NPAS2: variants seen among roughly 807,000 people sequenced by gnomAD.
NPAS2 encodes the protein neuronal PAS domain-containing protein 2.
In NPAS2, 23 loss-of-function variants were observed where a neutral mutation model predicts 107.5. That is an observed-to-expected ratio of 0.21 (90% CI 0.15 to 0.30). The LOEUF is 0.30. Among genes scored for constraint, NPAS2 ranks in the 10% least tolerant of loss-of-function variants. The pLI is 1.00. For missense variants in NPAS2, 756 were observed against 1,043.3 expected (o/e 0.72, Z 3.79); for synonymous variants, 403 against 417.5 (o/e 0.97, Z 0.42).
At chr2:100,907,489 AACACACACACACACACAC>A (rs55951417) in intron 2 of NPAS2, among the ~76,000 whole-genome samples, 4 of 144,678 alleles carry the variant, frequency 2.8e-5, no homozygotes, top group East Asian at 2.0e-4. Flanking sequence ...AACACTTGGG[AACACACACACACACACAC>A]ACACACACAC....
At chr2:100,840,133 G>A (rs549469390) in intron 1 of NPAS2, among the ~76,000 whole-genome samples, 5 of 152,174 alleles carry the variant, frequency 3.3e-5, no homozygotes, top group Admixed American at 6.5e-5. Context: ...TCCTTCCGTC[G>A]TTGCTTGCCA....
chr2:100,963,275 C>T (rs1197418052), intron 7 of NPAS2, among the ~76,000 whole-genome samples: 3 of 152,236 alleles, frequency 2.0e-5, no homozygotes, highest in African/African-American at 7.2e-5. Flanking sequence ...CCGAGACACC[C>T]CTACTTTCCC....
chr2:100,922,899 A>G (rs546075943), intron 2 of NPAS2, among the ~76,000 whole-genome samples: 246 of 152,298 alleles, frequency 1.6e-3, no homozygotes, highest in Middle Eastern at 6.8e-3. Flanking sequence ...CCCATTGAAG[A>G]CGAGAACAGA....
intron 1 of NPAS2, among the ~76,000 whole-genome samples, chr2:100,830,698 C>G (rs1050335973): frequency 6.6e-6 from 1 of 152,138 alleles, no homozygotes; most frequent in Non-Finnish European, 1.5e-5. Flanking sequence ...AAATAGTCCC[C>G]GTCAGTAGAA....
intron 3 of NPAS2, among the ~76,000 whole-genome samples, chr2:100,926,347 C>T (rs1683558982): frequency 6.6e-6 from 1 of 152,166 alleles, no homozygotes; most frequent in Non-Finnish European, 1.5e-5. Context: ...TGAGGAACTG[C>T]CAAACTGTTT....
intron 1 of NPAS2, among the ~76,000 whole-genome samples, chr2:100,886,778 A>G (rs1386490524): frequency 6.6e-6 from 1 of 152,212 alleles, no homozygotes; most frequent in Non-Finnish European, 1.5e-5. Context: ...ATTCATGAAC[A>G]AAGGCCAAGG....
rs1366760335 is a variant in NPAS2 at position 100,820,795 on chromosome 2, T to A, written c.-23+381T>A. On this transcript the variant is annotated intron_variant, in intron 1 of 20. Transcript: ENST00000335681. This position sits in a 1 kb window ranked among gnomAD's most constrained non-coding sequence, Gnocchi z 5.6. The stretch of plus-strand genomic sequence containing the variant: ...GCTTTGGGGATTGCCCGTGGTTGTC[T>A]TCGAGACCCATCGCGCTACCCTCCG... 3.9e-5 allele frequency among the ~76,000 whole-genome samples: 6 copies of A among 152,092 alleles called. No homozygotes were observed. The highest frequency in any genetic ancestry group is 7.4e-5 in the Non-Finnish European group (5 of 68,014).
At chr2:100,855,479 C>T (rs72627419) in intron 1 of NPAS2, among the ~76,000 whole-genome samples, 10,265 of 152,248 alleles carry the variant, frequency 0.067, 720 homozygotes, top group East Asian at 0.33. Context: ...TGCATGTCTC[C>T]ATGAAAAGCA....
At chr2:100,822,699 C>T (rs1361843339) in intron 1 of NPAS2, 1 of 152,134 alleles carries the variant, frequency 6.6e-6, no homozygotes. Context: ...ATTTTTAAAA[C>T]AAGCATGTGT....
intron 19 of NPAS2, among the ~76,000 whole-genome samples, chr2:100,992,030 T>A (rs909739879): frequency 6.6e-6 from 1 of 152,224 alleles, no homozygotes; most frequent in Non-Finnish European, 1.5e-5. Flanking sequence ...GGGAGCCATC[T>A]GTAAAGTTCC....
intron 19 of NPAS2, among the ~76,000 whole-genome samples, chr2:100,991,870 T>C (rs1216378525): frequency 6.6e-6 from 1 of 152,214 alleles, no homozygotes; most frequent in Non-Finnish European, 1.5e-5. Context: ...CACGGGCCCC[T>C]TGGGCTCCCT....
Position 100,945,324 on chromosome 2 carries a change from G to A in NPAS2, c.364-2911G>A, listed in dbSNP as rs78622638. On this transcript the variant is annotated intron_variant, in intron 5 of 20. Transcript: ENST00000335681. ...GGAGGGGCTCTGCCTGCTTCCCAAC[G>A]TGTCTTCCCCATGCCCAACAGCGGC... Among the ~76,000 whole-genome samples, 275 of 152,174 alleles carry A rather than the reference G, an allele frequency of 1.8e-3. 5 individuals are homozygous for A. In the East Asian group the frequency reaches 0.034, roughly 19 times the overall value.
intron 5 of NPAS2, among the ~76,000 whole-genome samples, chr2:100,940,354 G>T (rs1339070110): frequency 6.6e-6 from 1 of 152,186 alleles, no homozygotes; most frequent in Non-Finnish European, 1.5e-5. Flanking sequence ...TTCTGATTTT[G>T]GTTTGGTTTA....
chr2:100,857,751 G>C (rs1051056814), intron 1 of NPAS2, among the ~76,000 whole-genome samples: 1 of 152,246 alleles, frequency 6.6e-6, no homozygotes, highest in East Asian at 1.9e-4. Flanking sequence ...TACAGGGCAG[G>C]CCACAGTTTA....
chr2:100,966,088 T>TA (rs1014740959), intron 10 of NPAS2, among the ~76,000 whole-genome samples: 2 of 152,126 alleles, frequency 1.3e-5, no homozygotes, highest in African/African-American at 4.8e-5. Flanking sequence ...ATTTCAGAGA[T>TA]AAAATACCGA....
chr2:100,859,046 C>G (rs888362697), intron 1 of NPAS2, among the ~76,000 whole-genome samples: 3 of 152,220 alleles, frequency 2.0e-5, no homozygotes, highest in Admixed American at 2.0e-4. Context: ...AGGTGGATCA[C>G]TTGAGGTCAG....
intron 1 of NPAS2, among the ~76,000 whole-genome samples, chr2:100,887,231 C>T (rs1419916150): frequency 6.6e-6 from 1 of 152,198 alleles, no homozygotes; most frequent in Non-Finnish European, 1.5e-5. Flanking sequence ...GCACCTGAGA[C>T]TCAGGGGAAT....
At chr2:100,979,570 A>G (rs7558747) in intron 15 of NPAS2, among the ~76,000 whole-genome samples, 21,043 of 134,638 alleles carry the variant, frequency 0.16, 2,079 homozygotes, top group East Asian at 0.42. Flanking sequence ...CTGGAGTGCA[A>G]TGGCACCATC....
intron 1 of NPAS2, among the ~76,000 whole-genome samples, chr2:100,866,763 C>T (rs1269833072): frequency 2.0e-5 from 3 of 152,208 alleles, no homozygotes; most frequent in Non-Finnish European, 4.4e-5. Flanking sequence ...TCTCATTTTA[C>T]TGACATTCTA....
Sources: allele counts gnomAD v4.1 joint callset (sites outside exome capture counted in the v4.1 genomes callset), GRCh38; gene constraint gnomAD v4.1.1; non-coding constraint Gnocchi (gnomAD v3.1); transcripts MANE v1.5; gene names NCBI Gene and HGNC (gene_info 2026-07-23, HGNC 2026-07-21).